RBMS3: variants seen among roughly 807,000 people sequenced by gnomAD.
The protein encoded by RBMS3 is RNA binding motif single stranded interacting protein 3.
In RBMS3, 27 loss-of-function variants were observed where a neutral mutation model predicts 66.8. That is an observed-to-expected ratio of 0.40 (90% CI 0.30 to 0.56). RBMS3 has a LOEUF of 0.56. RBMS3 is among the 20% of genes least tolerant of loss of function. The probability of loss-of-function intolerance (pLI) is 0.40; values close to 1 mark genes in which losing one functional copy is unlikely to be tolerated. For missense variants in RBMS3, 513 were observed against 549.5 expected (o/e 0.93, Z 0.66); for synonymous variants, 188 against 183.0 (o/e 1.03, Z -0.22).
intron 6 of RBMS3, among the ~76,000 whole-genome samples, chr3:29,809,316 T>G: frequency 6.7e-6 from 1 of 150,370 alleles, no homozygotes; most frequent in Non-Finnish European, 1.5e-5. Flanking sequence ...TATGTTTTCA[T>G]TGACAGCACT....
intron 4 of RBMS3, among the ~76,000 whole-genome samples, chr3:29,731,961 AC>A (rs2054156376): frequency 6.9e-6 from 1 of 145,418 alleles, no homozygotes; most frequent in South Asian, 2.2e-4. Context: ...CCCCCTCTGT[AC>A]CTCCGTCCCT....
chr3:29,990,119 C>T (rs972877618), intron 13 of RBMS3, among the ~76,000 whole-genome samples: 2 of 152,026 alleles, frequency 1.3e-5, no homozygotes, highest in African/African-American at 4.8e-5. Flanking sequence ...TGAAAACACT[C>T]ATTGAACATT....
intron 1 of RBMS3, among the ~76,000 whole-genome samples, chr3:29,350,189 A>G (rs2036826900): frequency 1.3e-5 from 2 of 151,452 alleles, no homozygotes; most frequent in Admixed American, 1.3e-4. Flanking sequence ...CTAGTTGTTC[A>G]TTTTGAACAT....
intron 4 of RBMS3, among the ~76,000 whole-genome samples, chr3:29,654,596 A>C (rs1418871553): frequency 7.3e-6 from 1 of 137,262 alleles, no homozygotes; most frequent in Admixed American, 7.4e-5. Context: ...TTTGACTTTT[A>C]AACTTTTTTT....
Position 30,004,278 on chromosome 3 carries a change from C to A in RBMS3, c.*416C>A, listed in dbSNP as rs1298422352. On this transcript the variant is annotated 3_prime_UTR_variant, in exon 15 of 15. Transcript: ENST00000383767. ...AATAGAAATGGAAACAAATTGTCTT[C>A]CTCAATAATTAAGCTACTTTCTCTT... 1 of 153,800 alleles carries A rather than the reference C, an allele frequency of 6.5e-6. No individual in the cohort carries two copies. The highest frequency in any genetic ancestry group is 2.4e-5 in the African/African-American group (1 of 41,168). The allele number at this position is 153,800 out of a possible 1,614,324, so 9.5% of individuals were successfully genotyped here.
intron 5 of RBMS3, 45 bp from the exon 6 acceptor site, chr3:29,762,865 T>C (rs995598157): frequency 1.1e-5 from 14 of 1,315,816 alleles, no homozygotes; most frequent in East Asian, 2.3e-5. Context: ...AAGTTTCTTT[T>C]TCTTGACAAC....
Position 29,884,152 on chromosome 3 carries a change from C to A in RBMS3, c.745-10C>A. 1 of 1,610,176 alleles carries A rather than the reference C, an allele frequency of 6.2e-7. No individual in the cohort carries two copies. Among genetic ancestry groups the A allele is most frequent in the Non-Finnish European group, 8.5e-7 (1 of 1,177,416 alleles). ...AGATTTGTTTTCTTCCCTCTTCATC[C>A]TATATACAGGCTGGCATGGCTTTGA... On this transcript the variant is annotated splice_polypyrimidine_tract_variant and intron_variant, in intron 7 of 14. Coordinates refer to ENST00000383767, the MANE Select transcript of RBMS3 (RefSeq NM_001003793.3).
At chr3:29,511,909 T>C (rs2148956507) in intron 3 of RBMS3, among the ~76,000 whole-genome samples, 1 of 152,240 alleles carries the variant, frequency 6.6e-6, no homozygotes, top group Non-Finnish European at 1.5e-5. Context: ...TGCTCCTGGG[T>C]TTGGAATTCC....
chr3:29,995,729 T>C (rs1341588516), intron 14 of RBMS3, among the ~76,000 whole-genome samples: 2 of 152,180 alleles, frequency 1.3e-5, no homozygotes, highest in Non-Finnish European at 2.9e-5. Flanking sequence ...AGAGATTTTG[T>C]CACCACCAGG....
At chr3:29,628,233 T>C (rs2049143320) in intron 4 of RBMS3, among the ~76,000 whole-genome samples, 1 of 152,178 alleles carries the variant, frequency 6.6e-6, no homozygotes, top group South Asian at 2.1e-4. Flanking sequence ...AGCTATACCA[T>C]GAGTTCATGA....
At chr3:29,342,335 G>A (rs532786918) in intron 1 of RBMS3, among the ~76,000 whole-genome samples, 1 of 152,114 alleles carries the variant, frequency 6.6e-6, no homozygotes, top group Non-Finnish European at 1.5e-5. Flanking sequence ...CCAATTTCAA[G>A]TGGACAGATA....
chr3:29,937,051 A>G (rs2061284747), intron 11 of RBMS3, among the ~76,000 whole-genome samples: 1 of 152,074 alleles, frequency 6.6e-6, no homozygotes, highest in Non-Finnish European at 1.5e-5. Context: ...TCATTTAACA[A>G]AACATAGAAA....
At chr3:29,592,378 T>G (rs2198973) in intron 4 of RBMS3, among the ~76,000 whole-genome samples, 2 of 152,164 alleles carry the variant, frequency 1.3e-5, no homozygotes, top group South Asian at 2.1e-4. Flanking sequence ...AAAAGAAGAC[T>G]TTTATGCAGC....
At chr3:29,779,170 T>C (rs1187852414) in intron 6 of RBMS3, among the ~76,000 whole-genome samples, 2 of 151,838 alleles carry the variant, frequency 1.3e-5, no homozygotes, top group African/African-American at 4.8e-5. Flanking sequence ...TTTTAATAAG[T>C]GGTTCTTTTG....
intron 2 of RBMS3, among the ~76,000 whole-genome samples, chr3:29,446,341 A>G (rs948860682): frequency 2.4e-4 from 36 of 152,166 alleles, no homozygotes; most frequent in African/African-American, 8.7e-4. Context: ...GAATAGTTAA[A>G]TAAAATTCAC....
At position 29,936,210 on chromosome 3, in the gene RBMS3, ATTGTT is replaced by A; in HGVS notation, c.1050+21_1050+25del. The A allele has an allele frequency of 5.6e-6, 9 of 1,607,686 alleles. No individual in the cohort carries two copies. Among genetic ancestry groups the A allele is most frequent in the African/African-American group, 1.3e-5 (1 of 74,884 alleles). On this transcript the variant is annotated intron_variant, in intron 11 of 14. Transcript: ENST00000383767. Reference sequence around the variant, plus strand: ...ACAACAGGAACGGTGAGTTGAAGAGATTGTTTTGTTTCCTTGAACTTTTTTGATCA... The same window carrying A: ...ACAACAGGAACGGTGAGTTGAAGAGATTGTTTCCTTGAACTTTTTTGATCA...
At chr3:29,301,212 A>G (rs2033649725) in intron 1 of RBMS3, among the ~76,000 whole-genome samples, 1 of 151,988 alleles carries the variant, frequency 6.6e-6, no homozygotes, top group Non-Finnish European at 1.5e-5. Context: ...GTTAATAAGT[A>G]TGAATGAGAT....
intron 4 of RBMS3, among the ~76,000 whole-genome samples, chr3:29,613,884 T>C (rs1209504228): frequency 6.6e-6 from 1 of 152,136 alleles, no homozygotes; most frequent in Non-Finnish European, 1.5e-5. Context: ...GGTAGAAAAG[T>C]AAATTAGTAC....
intron 4 of RBMS3, among the ~76,000 whole-genome samples, chr3:29,671,276 G>A (rs2050989468): frequency 6.6e-6 from 1 of 152,192 alleles, no homozygotes; most frequent in African/African-American, 2.4e-5. Flanking sequence ...CCACCTGTGG[G>A]TCACCATCAT....
Sources: allele counts gnomAD v4.1 joint callset (sites outside exome capture counted in the v4.1 genomes callset), GRCh38; gene constraint gnomAD v4.1.1; transcripts MANE v1.5; gene names NCBI Gene and HGNC (gene_info 2026-07-23, HGNC 2026-07-21).